The following SMYD3 variants were observed in gnomAD, a reference collection of about 807,000 sequenced individuals.
SMYD3 encodes histone-lysine N-methyltransferase SMYD3.
A neutral mutation model predicts 57.7 loss-of-function variants in SMYD3; 36 were observed. The ratio of observed to expected loss-of-function variants is 0.62; its 90% CI spans 0.48 to 0.82. The LOEUF (loss-of-function observed/expected upper bound fraction) is 0.82. SMYD3 is among the 40% of genes least tolerant of loss of function. The pLI, the probability that SMYD3 is intolerant of heterozygous loss-of-function variation, is 0.00. For synonymous variants in SMYD3, 211 were observed against 195.0 expected (o/e 1.08, Z -0.68); for missense variants, 515 against 538.8 (o/e 0.96, Z 0.44).
intron 1 of SMYD3, among the ~76,000 whole-genome samples, chr1:246,382,363 C>T (rs1207270145): frequency 6.6e-6 from 1 of 152,160 alleles, no homozygotes; most frequent in Admixed American, 6.5e-5. Flanking sequence ...CAGCCCTAGA[C>T]TCCAGGCCAG....
At chr1:246,506,955 C>A (rs1007105059) in intron 1 of SMYD3, 99 bp downstream of exon 1, 2 of 1,165,258 alleles carry the variant, frequency 1.7e-6, no homozygotes, top group Non-Finnish European at 2.3e-6. Flanking sequence ...GCAGCCCCAT[C>A]CAGCAGGAGT....
chr1:245,875,066 G>A (rs896293360), intron 8 of SMYD3, among the ~76,000 whole-genome samples: 1 of 152,236 alleles, frequency 6.6e-6, no homozygotes, highest in East Asian at 1.9e-4. Context: ...ACGGCACGGC[G>A]AGCCGCTTCC....
chr1:246,472,510 A>AGACG (rs966995074), intron 1 of SMYD3, among the ~76,000 whole-genome samples: 8 of 152,326 alleles, frequency 5.3e-5, no homozygotes, highest in Admixed American at 2.0e-4. Context: ...TGGGAGGCCA[A>AGACG]GACGGGCAGA....
intron 1 of SMYD3, among the ~76,000 whole-genome samples, chr1:246,423,828 A>C (rs1302105691): frequency 6.6e-6 from 1 of 152,170 alleles, no homozygotes; most frequent in East Asian, 1.9e-4. Context: ...AACAAGTAGA[A>C]TCTTATAGAC....
At chr1:246,223,667 T>G (rs1279137172) in intron 5 of SMYD3, among the ~76,000 whole-genome samples, 1 of 152,126 alleles carries the variant, frequency 6.6e-6, no homozygotes, top group East Asian at 1.9e-4. Flanking sequence ...ATACCTATAC[T>G]ATTGGTATTG....
At chr1:245,977,550 A>G (rs997937777) in intron 5 of SMYD3, among the ~76,000 whole-genome samples, 4 of 152,090 alleles carry the variant, frequency 2.6e-5, no homozygotes, top group Non-Finnish European at 2.9e-5. Context: ...GTGGTGGTGC[A>G]TGCCTGTAAT....
At chr1:246,138,053 G>T (rs2061689996) in intron 5 of SMYD3, among the ~76,000 whole-genome samples, 1 of 151,934 alleles carries the variant, frequency 6.6e-6, no homozygotes, top group Non-Finnish European at 1.5e-5. Context: ...TACCTTTAAT[G>T]ATAAAAAGAT....
chr1:246,410,342 C>A (rs1488458875), intron 1 of SMYD3, among the ~76,000 whole-genome samples: 1 of 152,126 alleles, frequency 6.6e-6, no homozygotes, highest in Non-Finnish European at 1.5e-5. Context: ...TGAGATACGT[C>A]CCATCAATAC....
At chr1:246,443,341 T>C (rs983089872) in intron 1 of SMYD3, among the ~76,000 whole-genome samples, 3 of 152,240 alleles carry the variant, frequency 2.0e-5, no homozygotes, top group Non-Finnish European at 4.4e-5. Context: ...TGGACATTAC[T>C]ATAAATTAGC....
In SMYD3 at chr1:246,009,280, T is replaced by C. The variant is rs114739988; in HGVS notation, c.532-79343A>G. ...ATGTATTGGGGGCTATACTAACATATACAAAGTATACGTGATTTGTCTAGG... is the reference window on the plus strand; with the variant it reads ...ATGTATTGGGGGCTATACTAACATACACAAAGTATACGTGATTTGTCTAGG... On this transcript the variant is annotated intron_variant, in intron 5 of 11. Transcript: ENST00000490107. 4.7e-3 allele frequency among the ~76,000 whole-genome samples: 713 copies of C among 152,278 alleles called. 4 individuals carry two copies. The highest frequency in any genetic ancestry group is 0.016 in the African/African-American group (673 of 41,562).
intron 5 of SMYD3, among the ~76,000 whole-genome samples, chr1:245,934,715 A>C (rs1318809934): frequency 6.6e-6 from 1 of 152,156 alleles, no homozygotes; most frequent in African/African-American, 2.4e-5. Flanking sequence ...GTGTTACCGG[A>C]AGGTTTACGA....
chr1:246,438,779 AATCATCCG>A (rs2067419061), intron 1 of SMYD3, among the ~76,000 whole-genome samples: 1 of 142,014 alleles, frequency 7.0e-6, no homozygotes, highest in South Asian at 2.1e-4. Context: ...CAGATCATCC[AATCATCCG>A]ATCATCAGGC....
At chr1:245,911,434 A>G (rs79510603) in intron 8 of SMYD3, among the ~76,000 whole-genome samples, 1,596 of 152,056 alleles carry the variant, frequency 0.01, 32 homozygotes, top group African/African-American at 0.035. Flanking sequence ...TTGCTGCACT[A>G]TTCAAAATAG....
Position 246,410,635 on chromosome 1 carries a change from T to C in SMYD3, c.165-55541A>G, listed in dbSNP as rs185107350. On this transcript the variant is annotated intron_variant, in intron 1 of 11. Transcript: ENST00000490107. ...AAGGATATTGGGTAAAATTCTCTTT[T>C]TTTGTTGTGTCTCTGCCAGGCTTTG... Among the ~76,000 whole-genome samples the C allele has an allele frequency of 6.9e-3, 1,049 of 152,330 alleles. 3 individuals are homozygous for C. The highest frequency in any genetic ancestry group is 0.01 in the Middle Eastern group (3 of 294).
intron 5 of SMYD3, among the ~76,000 whole-genome samples, chr1:246,235,612 A>G (rs1287973399): frequency 6.6e-6 from 1 of 152,208 alleles, no homozygotes; most frequent in Non-Finnish European, 1.5e-5. Flanking sequence ...GACTCACAGT[A>G]GTACCAACTC....
chr1:246,016,797 A>G (rs2059385112), intron 5 of SMYD3, among the ~76,000 whole-genome samples: 1 of 152,140 alleles, frequency 6.6e-6, no homozygotes, highest in African/African-American at 2.4e-5. Context: ...AGGAAGCTGG[A>G]ATTATGTTAC....
Position 246,496,848 on chromosome 1 carries a change from T to C in SMYD3, c.164+10206A>G, listed in dbSNP as rs142667519. Among the ~76,000 whole-genome samples, 283 of 152,120 alleles carry C rather than the reference T, an allele frequency of 1.9e-3. 2 individuals carry two copies. The highest frequency in any genetic ancestry group is 5.7e-3 in the African/African-American group (235 of 41,520). On this transcript the variant is annotated intron_variant, in intron 1 of 11. Coordinates refer to ENST00000490107, the MANE Select transcript of SMYD3 (RefSeq NM_001167740.2). ...TCAAACAAACAAACAAAAAGATCAATATTAGCCTACTGTTATAAATGCTTT... is the reference window on the plus strand; with the variant it reads ...TCAAACAAACAAACAAAAAGATCAACATTAGCCTACTGTTATAAATGCTTT...
intron 5 of SMYD3, among the ~76,000 whole-genome samples, chr1:246,147,402 T>TA (rs2061866624): frequency 6.6e-6 from 1 of 152,188 alleles, no homozygotes; most frequent in South Asian, 2.1e-4. Flanking sequence ...GAGTATGCCT[T>TA]TATAACATGT....
intron 5 of SMYD3, among the ~76,000 whole-genome samples, chr1:246,115,135 G>C (rs925105377): frequency 1.3e-5 from 2 of 148,868 alleles, no homozygotes; most frequent in Admixed American, 1.3e-4. Context: ...AGTGTACAGG[G>C]AGAGAAATCA....
Sources: gnomAD v4.1 joint callset for allele counts (sites outside exome capture counted in the v4.1 genomes callset) on GRCh38, gnomAD v4.1.1 for gene constraint, MANE v1.5 for transcripts, NCBI Gene and HGNC (gene_info 2026-07-23, HGNC 2026-07-21) for gene names.